Variants in UGT1A7 observed in about 807,000 individuals in gnomAD.
UGT1A7 encodes UDP glucuronosyltransferase family 1 member A7.
In UGT1A7, 33 loss-of-function variants were observed where a neutral mutation model predicts 45.6. That is an observed-to-expected ratio of 0.72 (90% CI 0.55 to 0.97). The LOEUF is 0.97. Among genes scored for constraint, UGT1A7 ranks in the 50% least tolerant of loss-of-function variants. The pLI, the probability that UGT1A7 is intolerant of heterozygous loss-of-function variation, is 0.00. For missense variants in UGT1A7, 684 were observed against 666.2 expected (o/e 1.03, Z -0.29); for synonymous variants, 274 against 250.6 (o/e 1.09, Z -0.88).
At chr2:233,744,831 G>GCTAGTCTAGCAGAGTAGT (rs1692937900) in intron 1 of UGT1A7, among the ~76,000 whole-genome samples, 2 of 151,816 alleles carry the variant, frequency 1.3e-5, no homozygotes. Context: ...TTTGAGAATC[G>GCTAGTCTAGCAGAGTAGT]CTAGTCTAGC....
intron 1 of UGT1A7, chr2:233,692,815 A>T: frequency 7.0e-7 from 1 of 1,427,232 alleles, no homozygotes; most frequent in East Asian, 2.6e-5. Context: ...GTTGGTTCAT[A>T]TTAACCATGT....
chr2:233,733,810 C>G (rs1191678424), intron 1 of UGT1A7, among the ~76,000 whole-genome samples: 1 of 152,078 alleles, frequency 6.6e-6, no homozygotes, highest in Non-Finnish European at 1.5e-5. Flanking sequence ...CAGGATGATG[C>G]TGGCCTCATA....
At chr2:233,716,708 A>G (rs545816882) in intron 1 of UGT1A7, among the ~76,000 whole-genome samples, 1 of 152,306 alleles carries the variant, frequency 6.6e-6, no homozygotes, top group South Asian at 2.1e-4. Flanking sequence ...TAAAAACACT[A>G]AAGAGTTCCA....
intron 3 of UGT1A7, 51 bp from the exon 4 acceptor site, chr2:233,768,169 T>G: frequency 1.9e-6 from 3 of 1,613,804 alleles, no homozygotes; most frequent in Non-Finnish European, 2.5e-6. Context: ...TGTGTCCAGC[T>G]GTGAAACTCA....
At position 233,772,264 on chromosome 2, in the gene UGT1A7, A is replaced by G. The variant is rs766626435; in HGVS notation, c.1298A>G (p.Tyr433Cys). Reference sequence around the variant, plus strand: ...AACGAAACTGTCTTTGTGTTTAGTTACAAGGAGAACATCATGCGCCTCTCC... The same window carrying G: ...AACGAAACTGTCTTTGTGTTTAGTTGCAAGGAGAACATCATGCGCCTCTCC... Reference protein sequence around the residue: ...ALKAVINDKSYKENIMRLSSL... With the variant: ...ALKAVINDKSCKENIMRLSSL... The change falls in exon 5 of 5, where the codon TAC becomes TGC. Residue 433 changes from tyrosine to cysteine, a missense_variant and splice_region_variant. Tyr to Cys is a radical substitution (Grantham distance 194). Coordinates refer to ENST00000373426, the MANE Select transcript of UGT1A7 (RefSeq NM_019077.3). The G allele has an allele frequency of 2.5e-6, 4 of 1,614,262 alleles. No homozygotes were observed. Among genetic ancestry groups the G allele is most frequent in the Admixed American group, 1.7e-5 (1 of 60,030 alleles).
chr2:233,745,020 A>G (rs1324116484), intron 1 of UGT1A7, among the ~76,000 whole-genome samples: 3 of 151,866 alleles, frequency 2.0e-5, no homozygotes, highest in Admixed American at 2.0e-4. Flanking sequence ...TGTAAATGCT[A>G]TGTAAATAGT....
chr2:233,713,984 G>A, intron 1 of UGT1A7: 1 of 1,586,010 alleles, frequency 6.3e-7, no homozygotes. Context: ...TCTCATTGTT[G>A]TAATAGTCTT....
At chr2:233,727,509 T>C (rs1200856091) in intron 1 of UGT1A7, among the ~76,000 whole-genome samples, 9 of 152,132 alleles carry the variant, frequency 5.9e-5, no homozygotes, top group Non-Finnish European at 1.3e-4. Context: ...AGCCCATGAA[T>C]GTGGGAAGAG....
At chr2:233,724,343 C>G (rs2077229660) in intron 1 of UGT1A7, among the ~76,000 whole-genome samples, 1 of 142,886 alleles carries the variant, frequency 7.0e-6, no homozygotes, top group Non-Finnish European at 1.5e-5. Context: ...GGGGCTGACC[C>G]CCCCCACCTC....
intron 2 of UGT1A7, 82 bp from the exon 3 acceptor site, chr2:233,767,765 CCT>C (rs1699477727): frequency 9.3e-6 from 15 of 1,608,904 alleles, no homozygotes; most frequent in Admixed American, 1.7e-5. Context: ...TCAGAGGACC[CCT>C]GTTTTCTAGT....
intron 1 of UGT1A7, among the ~76,000 whole-genome samples, chr2:233,731,894 C>A (rs1470586397): frequency 6.6e-6 from 1 of 152,238 alleles, no homozygotes; most frequent in Non-Finnish European, 1.5e-5. Context: ...AATTTACACT[C>A]CCACCAATGG....
At chr2:233,766,971 A>G (rs769177470) in intron 1 of UGT1A7, 63 bp from the exon 2 acceptor site, 76 of 1,610,288 alleles carry the variant, frequency 4.7e-5, no homozygotes, top group Non-Finnish European at 6.1e-5. Flanking sequence ...TTCATAACTT[A>G]CTGTATGTAG....
chr2:233,728,370 T>C (rs2077707382), intron 1 of UGT1A7, among the ~76,000 whole-genome samples: 1 of 152,190 alleles, frequency 6.6e-6, no homozygotes. Flanking sequence ...GAACCCACCA[T>C]GGGTCTTTGC....
intron 1 of UGT1A7, among the ~76,000 whole-genome samples, chr2:233,736,234 T>C (rs1035352456): frequency 6.6e-5 from 10 of 152,188 alleles, no homozygotes; most frequent in African/African-American, 2.4e-4. Flanking sequence ...TCTCTAACCT[T>C]GTCTTCTCAC....
chr2:233,760,923 C>G, intron 1 of UGT1A7: 1 of 1,614,214 alleles, frequency 6.2e-7, no homozygotes, highest in Non-Finnish European at 8.5e-7. Flanking sequence ...GGGTGAAGAA[C>G]ATGCTCATTG....
At chr2:233,758,675 G>A (rs1391896558) in intron 1 of UGT1A7, among the ~76,000 whole-genome samples, 10 of 152,156 alleles carry the variant, frequency 6.6e-5, no homozygotes, top group Admixed American at 6.5e-4. Flanking sequence ...CTGTTAATAT[G>A]TCCCATAGGA....
At position 233,698,386 on chromosome 2, in the gene UGT1A7, G is replaced by A. The variant is rs13393191; in HGVS notation, c.855+15594G>A. 5.5e-3 allele frequency among the ~76,000 whole-genome samples: 842 copies of A among 152,250 alleles called. 7 individuals are homozygous for A. Among genetic ancestry groups the A allele is most frequent in the African/African-American group, 0.019 (800 of 41,544 alleles). On this transcript the variant is annotated intron_variant, in intron 1 of 4. Coordinates refer to ENST00000373426, the MANE Select transcript of UGT1A7 (RefSeq NM_019077.3). ...ATGCCATGAAATTGTTCACTTTAGC[G>A]TGGTGAATTTTATGTGACTTCATCG...
chr2:233,695,130 C>CT (rs71398796), intron 1 of UGT1A7, among the ~76,000 whole-genome samples: 83 of 138,832 alleles, frequency 6.0e-4, no homozygotes, highest in East Asian at 2.3e-3. Context: ...CTTTTCTTTT[C>CT]TTTTTTTTTT....
At chr2:233,690,220 G>A (rs939015605) in intron 1 of UGT1A7, among the ~76,000 whole-genome samples, 1 of 152,112 alleles carries the variant, frequency 6.6e-6, no homozygotes, top group Admixed American at 6.5e-5. Context: ...TGCCATTTTA[G>A]TATTCTAGAT....
Sources: gnomAD v4.1 joint callset for allele counts (sites outside exome capture counted in the v4.1 genomes callset) on GRCh38, gnomAD v4.1.1 for gene constraint, MANE v1.5 for transcripts, NCBI Gene and HGNC (gene_info 2026-07-23, HGNC 2026-07-21) for gene names.